Variants in TBC1D1 observed in about 807,000 individuals in gnomAD.
TBC1D1 encodes the protein TBC1 (tre-2/USP6, BUB2, cdc16) domain family, member 1.
Under a neutral mutation model 125.6 loss-of-function variants are expected in TBC1D1, and 89 were observed. The observed-to-expected ratio is 0.71, with a 90% CI of 0.60 to 0.85. The LOEUF (loss-of-function observed/expected upper bound fraction) is 0.85. TBC1D1 is among the 40% of genes least tolerant of loss of function. TBC1D1 has a pLI of 0.00. For synonymous variants in TBC1D1, 565 were observed against 564.1 expected (o/e 1.00, Z -0.02); for missense variants, 1,377 against 1,469.2 (o/e 0.94, Z 1.03).
chr4:37,918,775 A>G (rs1400265963), intron 2 of TBC1D1, among the ~76,000 whole-genome samples: 1 of 152,182 alleles, frequency 6.6e-6, no homozygotes, highest in Admixed American at 6.5e-5. Flanking sequence ...GCCTAGCCGT[A>G]CAATTTTTAA....
At chr4:38,040,737 T>C (rs1428525290) in intron 8 of TBC1D1, among the ~76,000 whole-genome samples, 1 of 152,220 alleles carries the variant, frequency 6.6e-6, no homozygotes, top group Non-Finnish European at 1.5e-5. Context: ...GGCAATTCCC[T>C]TCACTCTGGA....
At chr4:38,073,586 A>G (rs770734707) in intron 12 of TBC1D1, among the ~76,000 whole-genome samples, 5 of 152,002 alleles carry the variant, frequency 3.3e-5, no homozygotes, top group South Asian at 2.1e-4. Context: ...TTGATTTTCT[A>G]CTGTTGAGTA....
intron 12 of TBC1D1, among the ~76,000 whole-genome samples, chr4:38,070,152 CAGTT>C (rs1366306541): frequency 6.6e-6 from 1 of 152,180 alleles, no homozygotes; most frequent in Admixed American, 6.5e-5. Context: ...AGCTTTGTAA[CAGTT>C]AGTGGTTATC....
chr4:38,065,321 C>T (rs1046144490), intron 12 of TBC1D1, among the ~76,000 whole-genome samples: 1 of 152,086 alleles, frequency 6.6e-6, no homozygotes, highest in Admixed American at 6.5e-5. Flanking sequence ...GTAGAACCAC[C>T]AGTTACTGGG....
intron 19 of TBC1D1, among the ~76,000 whole-genome samples, chr4:38,134,734 T>C (rs1052957721): frequency 3.9e-5 from 6 of 152,292 alleles, no homozygotes; most frequent in Non-Finnish European, 8.8e-5. Flanking sequence ...ATGCTGCTCC[T>C]GTGCTATTGT....
At chr4:38,096,700 G>A (rs1410175227) in intron 14 of TBC1D1, among the ~76,000 whole-genome samples, 1 of 152,206 alleles carries the variant, frequency 6.6e-6, no homozygotes, top group African/African-American at 2.4e-5. Context: ...TCCAAGAAGA[G>A]ATAAGTACAG....
chr4:38,082,646 T>A (rs1310796716), intron 12 of TBC1D1, among the ~76,000 whole-genome samples: 1 of 152,186 alleles, frequency 6.6e-6, no homozygotes, highest in Non-Finnish European at 1.5e-5. Flanking sequence ...TCTTGATCCT[T>A]CTCCAGCTCC....
intron 12 of TBC1D1, among the ~76,000 whole-genome samples, chr4:38,071,710 T>C (rs1754737424): frequency 6.6e-6 from 1 of 152,210 alleles, no homozygotes; most frequent in Admixed American, 6.5e-5. Context: ...CACTGTAGGT[T>C]CTCAGATGGC....
rs1380517066 is a variant in TBC1D1, at chr4:38,060,567, G to T, written c.2050+6229G>T. On this transcript the variant is annotated intron_variant, in intron 12 of 19. Transcript: ENST00000261439. ...ATGAGAGAGACATATTTGCTCCTCTGAGTAAAGGGTAAGGATGCTTACGTC... is the reference window on the plus strand; with the variant it reads ...ATGAGAGAGACATATTTGCTCCTCTTAGTAAAGGGTAAGGATGCTTACGTC... 3 of 1,208,166 alleles carry T rather than the reference G, an allele frequency of 2.5e-6. No individual in the cohort carries two copies. The African/African-American group carries it at 4.7e-5, about 19-fold the overall frequency. 74.8% of individuals were successfully genotyped at this position (1,208,166 alleles called of 1,614,324 possible). A position where few individuals can be genotyped will look rare whatever the true frequency, so the allele number is the denominator to read the frequency against.
At chr4:37,954,786 T>C (rs10517458) in intron 2 of TBC1D1, among the ~76,000 whole-genome samples, 94,328 of 149,522 alleles carry the variant, frequency 0.63, 30,567 homozygotes, top group East Asian at 0.96. Flanking sequence ...GAAACTCTGA[T>C]GGGATCCCTC....
intron 2 of TBC1D1, among the ~76,000 whole-genome samples, chr4:37,982,929 C>T (rs1431099094): frequency 6.6e-6 from 1 of 152,092 alleles, no homozygotes. Flanking sequence ...GTTAGAGTAG[C>T]GTATGCTAAG....
At chr4:38,131,420 C>T (rs982459144) in intron 18 of TBC1D1, among the ~76,000 whole-genome samples, 5 of 152,136 alleles carry the variant, frequency 3.3e-5, no homozygotes, top group African/African-American at 9.7e-5. Flanking sequence ...AGTTCCATGA[C>T]GTGGCATCCA....
At chr4:38,103,516 T>C (rs76399956) in intron 15 of TBC1D1, among the ~76,000 whole-genome samples, 1,747 of 152,274 alleles carry the variant, frequency 0.011, 37 homozygotes, top group African/African-American at 0.041. Context: ...CGAGGCTTGG[T>C]TTAATTACAG....
chr4:37,980,045 C>T (rs2152364127), intron 2 of TBC1D1, among the ~76,000 whole-genome samples: 1 of 152,358 alleles, frequency 6.6e-6, no homozygotes, highest in East Asian at 1.9e-4. Context: ...TCCCAAAGTG[C>T]TGGGATTACA....
chr4:37,928,415 G>A (rs1024676652), intron 2 of TBC1D1, among the ~76,000 whole-genome samples: 3 of 152,136 alleles, frequency 2.0e-5, no homozygotes, highest in Admixed American at 6.5e-5. Context: ...GACAGGATAT[G>A]TTGATATCAG....
chr4:38,031,045 C>T (rs934310262), intron 7 of TBC1D1, among the ~76,000 whole-genome samples: 2 of 152,126 alleles, frequency 1.3e-5, no homozygotes, highest in Admixed American at 1.3e-4. Context: ...TATTTATGAG[C>T]GTTTTTGAAA....
chr4:38,109,144 T>C (rs1280782162), intron 15 of TBC1D1, among the ~76,000 whole-genome samples: 1 of 152,208 alleles, frequency 6.6e-6, no homozygotes, highest in Non-Finnish European at 1.5e-5. Context: ...GAATGTAACA[T>C]TCAGCAGTCT....
At chr4:37,909,689 A>G (rs1035661071) in intron 2 of TBC1D1, among the ~76,000 whole-genome samples, 1 of 152,126 alleles carries the variant, frequency 6.6e-6, no homozygotes, top group African/African-American at 2.4e-5. Context: ...AACTTCAAAC[A>G]TTTGTCTCTT....
Position 37,902,387 on chromosome 4 carries a change from C to A in TBC1D1, c.292C>A (p.Pro98Thr). The change falls in exon 2 of 20, where the codon CCT becomes ACT. Residue 98 changes from proline (P) to threonine (T), a missense_variant. This residue lies in a region of TBC1D1 where 822 missense variants were observed against 824.6 expected (regional missense o/e 1.00). Coordinates refer to ENST00000261439, the MANE Select transcript of TBC1D1 (RefSeq NM_015173.4). Reference sequence around the variant, plus strand: ...CTATTCCAGCATCTTTGAGTGCAAGCCTCAGCGTGTTCACAAACTGATTCA... The same window carrying A: ...CTATTCCAGCATCTTTGAGTGCAAGACTCAGCGTGTTCACAAACTGATTCA... The A allele has an allele frequency of 6.2e-7, 1 of 1,614,194 alleles. No homozygotes were observed. The highest frequency in any genetic ancestry group is 8.5e-7 in the Non-Finnish European group (1 of 1,180,042).
Sources: allele counts gnomAD v4.1 joint callset (sites outside exome capture counted in the v4.1 genomes callset), GRCh38; gene constraint gnomAD v4.1.1; regional missense constraint gnomAD v4.1.1; transcripts MANE v1.5; gene names NCBI Gene and HGNC (gene_info 2026-07-23, HGNC 2026-07-21).